Variants in SLC9B1 observed in about 807,000 individuals in gnomAD.
SLC9B1 encodes solute carrier family 9 member B1.
Under a neutral mutation model 51.7 loss-of-function variants are expected in SLC9B1, and 32 were observed. The observed-to-expected ratio is 0.62, with a 90% CI of 0.47 to 0.83. The LOEUF (loss-of-function observed/expected upper bound fraction) is 0.83, where lower values mean the gene tolerates loss of function less well. Among genes scored for constraint, SLC9B1 ranks in the 40% least tolerant of loss-of-function variants. SLC9B1 has a pLI of 0.00. For synonymous variants in SLC9B1, 145 were observed against 212.7 expected (o/e 0.68, Z 2.77); for missense variants, 406 against 613.2 (o/e 0.66, Z 3.57).
intron 6 of SLC9B1, among the ~76,000 whole-genome samples, chr4:102,939,141 AG>A (rs1342886063): frequency 2.0e-5 from 3 of 151,308 alleles, no homozygotes; most frequent in African/African-American, 7.3e-5. Flanking sequence ...TAGACCAATA[AG>A]GAAAAAAAAA....
chr4:103,003,969 T>C (rs1007394595), intron 1 of SLC9B1, among the ~76,000 whole-genome samples: 3 of 152,172 alleles, frequency 2.0e-5, no homozygotes, highest in African/African-American at 4.8e-5. Context: ...AACTTAAATG[T>C]TGAAGGAACA....
chr4:103,017,808 C>T (rs968204672), intron 1 of SLC9B1, among the ~76,000 whole-genome samples: 2 of 152,200 alleles, frequency 1.3e-5, no homozygotes, highest in African/African-American at 4.8e-5. Flanking sequence ...ATAAGAACAG[C>T]GATCTTGCTA....
intron 3 of SLC9B1, among the ~76,000 whole-genome samples, chr4:102,986,339 T>C (rs72937468): frequency 0.011 from 1,674 of 152,162 alleles, 22 homozygotes; most frequent in African/African-American, 0.037. Context: ...AGAAGTTGGA[T>C]GTAATTCTTA....
chr4:103,003,302 C>T (rs1740622563), intron 1 of SLC9B1, among the ~76,000 whole-genome samples: 1 of 152,154 alleles, frequency 6.6e-6, no homozygotes, highest in African/African-American at 2.4e-5. Flanking sequence ...ACTACTTCAT[C>T]TTCTTTCAGT....
rs147095971 is a variant in SLC9B1, at chr4:103,007,102, A to G, written c.-2+12497T>C. Among the ~76,000 whole-genome samples, 727 of 152,338 alleles carry G rather than the reference A, an allele frequency of 4.8e-3. 4 individuals are homozygous for G. The highest frequency in any genetic ancestry group is 6.9e-3 in the Non-Finnish European group (468 of 68,032). On this transcript the variant is annotated intron_variant, in intron 1 of 11. Coordinates refer to ENST00000296422, the MANE Select transcript of SLC9B1 (RefSeq NM_139173.4). Reference sequence around the variant, plus strand: ...CCCTCTTTCAACACTCCTATTCAACATAATACTGGAAGTTCTAGCCAGAAC... The same window carrying G: ...CCCTCTTTCAACACTCCTATTCAACGTAATACTGGAAGTTCTAGCCAGAAC...
intron 3 of SLC9B1, among the ~76,000 whole-genome samples, chr4:102,965,013 C>A (rs1413141995): frequency 2.0e-5 from 3 of 151,972 alleles, no homozygotes; most frequent in South Asian, 4.2e-4. Context: ...ACACACACAC[C>A]CACATACCAC....
intron 3 of SLC9B1, among the ~76,000 whole-genome samples, chr4:102,968,929 T>G (rs1196278567): frequency 6.6e-6 from 1 of 152,202 alleles, no homozygotes; most frequent in Non-Finnish European, 1.5e-5. Context: ...CCTTGCTTAC[T>G]GCTAGCGCAG....
At chr4:102,905,687 T>A in intron 10 of SLC9B1, 37 bp from the exon 11 acceptor site, 1 of 1,588,724 alleles carries the variant, frequency 6.3e-7, no homozygotes, top group Non-Finnish European at 8.6e-7. Flanking sequence ...TAACAAAATA[T>A]TTGTGAAGAA....
chr4:102,926,558 T>A (rs1489495154), intron 7 of SLC9B1, among the ~76,000 whole-genome samples: 1 of 152,154 alleles, frequency 6.6e-6, no homozygotes, highest in Non-Finnish European at 1.5e-5. Flanking sequence ...AAGGACCTCT[T>A]CAAGGAGAAC....
In SLC9B1 at chr4:102,901,239, C is replaced by A; in HGVS notation, c.1426G>T (p.Ala476Ser). 1 of 1,611,954 alleles carries A rather than the reference C, an allele frequency of 6.2e-7. No homozygotes were observed. Among genetic ancestry groups the A allele is most frequent in the South Asian group, 1.1e-5 (1 of 90,992 alleles). The part of the protein sequence containing the change: ...AKDVMTVAFL[A>S]ILITAPNGAL... ...CCATTTGGAGCTGTGATCAAGATGGCTAAAAATGCTACTGTCATCACATCC... is the reference window on the plus strand; with the variant it reads ...CCATTTGGAGCTGTGATCAAGATGGATAAAAATGCTACTGTCATCACATCC... Residue 476 changes from alanine to serine, a missense_variant, in exon 12 of 12, where the codon GCC (alanine) becomes TCC (serine). Physicochemically the swap from Ala to Ser is moderately conservative, Grantham distance 99. This residue lies in a region of SLC9B1 where 2 missense variants were observed against 31.6 expected (regional missense o/e 0.06). Coordinates refer to ENST00000296422, the MANE Select transcript of SLC9B1 (RefSeq NM_139173.4).
chr4:102,950,265 G>C (rs748568905), intron 3 of SLC9B1, among the ~76,000 whole-genome samples: 6 of 152,076 alleles, frequency 3.9e-5, no homozygotes, highest in Admixed American at 6.6e-5. Flanking sequence ...GGTAATGGCT[G>C]GAAGAAATGA....
At chr4:102,955,126 C>A (rs1737717956) in intron 3 of SLC9B1, among the ~76,000 whole-genome samples, 1 of 152,170 alleles carries the variant, frequency 6.6e-6, no homozygotes, top group Non-Finnish European at 1.5e-5. Flanking sequence ...GAATTGTACT[C>A]CCACAATTCC....
At chr4:102,968,148 A>G (rs2110495496) in intron 3 of SLC9B1, among the ~76,000 whole-genome samples, 1 of 152,340 alleles carries the variant, frequency 6.6e-6, no homozygotes, top group East Asian at 1.9e-4. Flanking sequence ...ATCCACATTA[A>G]GAGAGATAGA....
At chr4:103,017,186 G>GC (rs1741411872) in intron 1 of SLC9B1, among the ~76,000 whole-genome samples, 1 of 151,950 alleles carries the variant, frequency 6.6e-6, no homozygotes, top group African/African-American at 2.4e-5. Flanking sequence ...TGTAGGCTCT[G>GC]CCCCCAAAAT....
chr4:102,902,897 C>T (rs1734854127), intron 11 of SLC9B1, among the ~76,000 whole-genome samples: 2 of 151,974 alleles, frequency 1.3e-5, no homozygotes, highest in South Asian at 4.2e-4. Context: ...TGAACCTTAG[C>T]CAATTTTATG....
At chr4:103,017,457 C>T (rs1291097019) in intron 1 of SLC9B1, among the ~76,000 whole-genome samples, 1 of 152,196 alleles carries the variant, frequency 6.6e-6, no homozygotes, top group Non-Finnish European at 1.5e-5. Flanking sequence ...CAAAGCCTTA[C>T]ATGATTTGGC....
At chr4:102,976,867 G>T (rs1279923831) in intron 3 of SLC9B1, among the ~76,000 whole-genome samples, 1 of 152,176 alleles carries the variant, frequency 6.6e-6, no homozygotes, top group Non-Finnish European at 1.5e-5. Flanking sequence ...AATGTTATGG[G>T]CTGGGTGCAA....
chr4:102,908,813 A>T (rs1735191735), intron 9 of SLC9B1, among the ~76,000 whole-genome samples: 1 of 152,308 alleles, frequency 6.6e-6, no homozygotes, highest in Non-Finnish European at 1.5e-5. Context: ...TGCAATATAT[A>T]CATAACAAAG....
At chr4:103,011,237 C>A (rs1203310326) in intron 1 of SLC9B1, among the ~76,000 whole-genome samples, 1 of 152,210 alleles carries the variant, frequency 6.6e-6, no homozygotes, top group Admixed American at 6.5e-5. Flanking sequence ...CCCAGCAAGG[C>A]AAACAACATT....
Sources: allele counts gnomAD v4.1 joint callset (sites outside exome capture counted in the v4.1 genomes callset), GRCh38; gene constraint gnomAD v4.1.1; regional missense constraint gnomAD v4.1.1; transcripts MANE v1.5; gene names NCBI Gene and HGNC (gene_info 2026-07-23, HGNC 2026-07-21).